Variants in RPS6KA2 observed in about 807,000 individuals in gnomAD.
The protein encoded by RPS6KA2 is ribosomal protein S6 kinase alpha-2.
In RPS6KA2, 42 loss-of-function variants were observed where a neutral mutation model predicts 91.8. The observed-to-expected ratio is 0.46, with a 90% confidence interval of 0.36 to 0.59. RPS6KA2 has a LOEUF of 0.59. Ranked by LOEUF, RPS6KA2 falls within the 20% of genes least tolerant of loss-of-function variation. RPS6KA2 has a pLI of 0.00. For synonymous variants in RPS6KA2, 414 were observed against 393.6 expected (o/e 1.05, Z -0.61); for missense variants, 798 against 978.5 (o/e 0.82, Z 2.46).
intron 1 of RPS6KA2, among the ~76,000 whole-genome samples, chr6:166,606,252 A>G (rs899797481): frequency 6.6e-6 from 1 of 152,254 alleles, no homozygotes; most frequent in African/African-American, 2.4e-5. Flanking sequence ...TGCTTGCACG[A>G]GAGGTAAAAT....
chr6:166,845,806 G>C, intron 2 of RPS6KA2, among the ~76,000 whole-genome samples: 1 of 151,678 alleles, frequency 6.6e-6, no homozygotes, highest in Non-Finnish European at 1.5e-5. Flanking sequence ...TCAAGGAACT[G>C]GAGAAACAAG....
chr6:166,733,338 G>A lies in RPS6KA2; in HGVS notation c.123+124862C>T, dbSNP rs537740555. On this transcript the variant is annotated intron_variant, in intron 2 of 21. Coordinates refer to the RPS6KA2 transcript ENST00000503859. The surrounding 1 kb of genome is among the most constrained non-coding windows in gnomAD (Gnocchi z 4.1). The stretch of plus-strand genomic sequence containing the variant: ...GTCAGTAACAGCAGTGGTGTTGGCC[G>A]TCTTGATCAGTTTATTATGTCTTGG... 5.9e-5 allele frequency among the ~76,000 whole-genome samples: 9 copies of A among 152,272 alleles called. No individual in the cohort carries two copies. The South Asian group carries it at 1.2e-3, about 21-fold the overall frequency.
At chr6:166,788,340 A>G (rs912433956) in intron 2 of RPS6KA2, among the ~76,000 whole-genome samples, 3 of 152,246 alleles carry the variant, frequency 2.0e-5, no homozygotes, top group African/African-American at 7.2e-5. Context: ...TACTGGGTAT[A>G]GACCCAAAGG....
chr6:166,529,024 G>A (rs1045912202), intron 3 of RPS6KA2, among the ~76,000 whole-genome samples: 1 of 152,160 alleles, frequency 6.6e-6, no homozygotes, highest in African/African-American at 2.4e-5. Context: ...GATTCCTCAA[G>A]GATCTAGAAC....
intron 11 of RPS6KA2, among the ~76,000 whole-genome samples, chr6:166,467,890 C>A (rs1780602610): frequency 6.6e-6 from 1 of 152,214 alleles, no homozygotes; most frequent in South Asian, 2.1e-4. Flanking sequence ...GGACGCCCAG[C>A]AGAAAGGGCT....
rs533925248 is a variant in RPS6KA2 at position 166,821,477 on chromosome 6, C to T, written c.123+36723G>A. Among the ~76,000 whole-genome samples, 1 of 152,270 alleles carries T rather than the reference C, an allele frequency of 6.6e-6. No individual in the cohort carries two copies. The highest frequency in any genetic ancestry group is 2.4e-5 in the African/African-American group (1 of 41,546). ...CTATGTCTTCTTCCAGAAATCCCGG[C>T]TTCTCCTGTAAACGCTGCAGTCAGT... On this transcript the variant is annotated intron_variant, in intron 2 of 21. Coordinates refer to the RPS6KA2 transcript ENST00000503859. This position sits in a 1 kb window ranked among gnomAD's most constrained non-coding sequence, Gnocchi z 4.1.
At chr6:166,711,487 C>T (rs548892780) in intron 2 of RPS6KA2, among the ~76,000 whole-genome samples, 2 of 150,604 alleles carry the variant, frequency 1.3e-5, no homozygotes, top group East Asian at 3.9e-4. Context: ...GATAAAAATG[C>T]TTCAACAAGC....
rs773684901 is a variant in RPS6KA2, at chr6:166,431,609, T to C, written c.1422+792A>G. Among the ~76,000 whole-genome samples, 5 of 152,264 alleles carry C rather than the reference T, an allele frequency of 3.3e-5. No homozygotes were observed. In the South Asian group the frequency reaches 6.2e-4, roughly 19 times the overall value. On this transcript the variant is annotated intron_variant, in intron 15 of 20. Transcript: ENST00000265678. The stretch of plus-strand genomic sequence containing the variant: ...ACTAAATAAAAACAATATGCTCTGA[T>C]TATTCTTTTTATGTTTCGATTTTTT...
chr6:166,444,671 C>T (rs528566066), intron 14 of RPS6KA2, among the ~76,000 whole-genome samples: 12 of 152,192 alleles, frequency 7.9e-5, no homozygotes, highest in African/African-American at 2.2e-4. Context: ...CGCCCGAGGC[C>T]GGACTGCCCC....
chr6:166,842,046 G>A (rs1328298921), intron 2 of RPS6KA2, among the ~76,000 whole-genome samples: 2 of 152,092 alleles, frequency 1.3e-5, no homozygotes, highest in Non-Finnish European at 2.9e-5. Context: ...ACCTCCAGCG[G>A]TAGTAGAAGC....
At chr6:166,450,817 C>T (rs1161617777) in intron 13 of RPS6KA2, among the ~76,000 whole-genome samples, 1 of 150,790 alleles carries the variant, frequency 6.6e-6, no homozygotes, top group African/African-American at 2.5e-5. Flanking sequence ...GTCACAGGGA[C>T]CACCACTGGA....
chr6:166,692,820 G>A (rs1789248967), intron 2 of RPS6KA2, among the ~76,000 whole-genome samples: 1 of 152,186 alleles, frequency 6.6e-6, no homozygotes, highest in South Asian at 2.1e-4. Context: ...ACTTAGAGAA[G>A]GCTTGGCGGA....
rs1292769519 is a variant in RPS6KA2, at chr6:166,495,189, C to T, written c.747+3319G>A. Among the ~76,000 whole-genome samples the T allele has an allele frequency of 6.6e-6, 1 of 152,156 alleles. No individual in the cohort carries two copies. ...TCATTTCTGTGCACAGAAAGAATAC[C>T]GTCTTTCCTGCCCGGCTTGGAGATT... On this transcript the variant is annotated intron_variant, in intron 8 of 20. Transcript: ENST00000265678. The surrounding 1 kb of genome is among the most constrained non-coding windows in gnomAD (Gnocchi z 4.4).
Position 166,423,221 on chromosome 6 carries a change from A to G in RPS6KA2, c.1743+35T>C. The G allele has an allele frequency of 6.3e-7, 1 of 1,578,922 alleles. No homozygotes were observed. Among genetic ancestry groups the G allele is most frequent in the Non-Finnish European group, 8.6e-7 (1 of 1,156,570 alleles). ...GGGGGCAGAGCCTGTCTTTGCGGATAGAGAGGCCTGGGTCTGCAGTCGGGG... is the reference window on the plus strand; with the variant it reads ...GGGGGCAGAGCCTGTCTTTGCGGATGGAGAGGCCTGGGTCTGCAGTCGGGG... On this transcript the variant is annotated intron_variant, in intron 17 of 20. Transcript: ENST00000265678. The surrounding 1 kb of genome is among the most constrained non-coding windows in gnomAD (Gnocchi z 4.8).
intron 1 of RPS6KA2, among the ~76,000 whole-genome samples, chr6:166,583,113 T>C (rs1471527473): frequency 2.0e-5 from 3 of 152,220 alleles, no homozygotes; most frequent in Non-Finnish European, 4.4e-5. Context: ...CAAAGCAGTT[T>C]GGTAAGTTTT....
At chr6:166,862,714 G>C (rs1246991682), upstream of RPS6KA2, 1 of 139,048 alleles carries the variant, frequency 7.2e-6, no homozygotes, top group African/African-American at 2.9e-5. Flanking sequence ...GGGGGGGGGG[G>C]GCGGCAGGTC....
chr6:166,566,003 G>C (rs572118342), intron 1 of RPS6KA2, among the ~76,000 whole-genome samples: 2 of 152,248 alleles, frequency 1.3e-5, no homozygotes, highest in Non-Finnish European at 2.9e-5. Context: ...CACTTTTCAG[G>C]AGAAGAGACA....
At chr6:166,784,704 T>C (rs2734336) in intron 2 of RPS6KA2, among the ~76,000 whole-genome samples, 5 of 55,052 alleles carry the variant, frequency 9.1e-5, no homozygotes, top group African/African-American at 1.8e-4. Flanking sequence ...TGCACACCTA[T>C]GCATAACCAC....
chr6:166,539,210 G>A (rs933074998), intron 1 of RPS6KA2, among the ~76,000 whole-genome samples: 4 of 152,256 alleles, frequency 2.6e-5, no homozygotes, highest in South Asian at 2.1e-4. Flanking sequence ...GAGCCACCCC[G>A]CCCGGCCCAT....
Sources: allele counts gnomAD v4.1 joint callset (sites outside exome capture counted in the v4.1 genomes callset), GRCh38; gene constraint gnomAD v4.1.1; non-coding constraint Gnocchi (gnomAD v3.1); transcripts MANE v1.5; gene names NCBI Gene and HGNC (gene_info 2026-07-23, HGNC 2026-07-21).